DUS2: variants seen among roughly 807,000 people sequenced by gnomAD.
DUS2 encodes tRNA-dihydrouridine(20) synthase [NAD(P)+]-like.
DUS2 carries 52 observed loss-of-function variants against 71.3 expected under a neutral mutation model. The ratio of observed to expected loss-of-function variants is 0.73; its 90% CI spans 0.58 to 0.92. DUS2 has a LOEUF of 0.92. Among genes scored for constraint, DUS2 ranks in the 40% least tolerant of loss-of-function variants. The pLI is 0.00. For missense variants in DUS2, 558 were observed against 622.6 expected, an observed-to-expected ratio of 0.90 and a Z score of 1.10; for synonymous variants, 204 against 227.8, an observed-to-expected ratio of 0.90 and a Z score of 0.94.
chr16:68,049,853 C>T (rs1427227412), intron 4 of DUS2, among the ~76,000 whole-genome samples: 2 of 152,198 alleles, frequency 1.3e-5, no homozygotes, highest in African/African-American at 2.4e-5. Flanking sequence ...CCTGGCTTGG[C>T]CACTTGCTAG....
At chr16:68,077,598 A>C (rs192547494) in intron 15 of DUS2, 8 of 152,236 alleles carry the variant, frequency 5.3e-5, no homozygotes, top group African/African-American at 1.9e-4. Flanking sequence ...CATCTTCACC[A>C]GGCTGGTCTC....
intron 14 of DUS2, 53 bp downstream of exon 14, chr16:68,075,557 C>T (rs1167550933): frequency 1.9e-6 from 3 of 1,542,884 alleles, no homozygotes; most frequent in Non-Finnish European, 2.6e-6. Context: ...CCTTGGGGTC[C>T]CACTGGGCCA....
intron 5 of DUS2, 107 bp downstream of exon 5, chr16:68,053,762 C>A: frequency 9.0e-7 from 1 of 1,109,046 alleles, no homozygotes; most frequent in Non-Finnish European, 1.3e-6. Context: ...GTACATTGTA[C>A]AACGATGGCT....
rs757836627 is a variant in DUS2, at chr16:68,066,322, C to T, written c.423C>T (p.Leu141=). 7 of 1,614,114 alleles carry T rather than the reference C, an allele frequency of 4.3e-6. No individual in the cohort carries two copies. Among genetic ancestry groups the T allele is most frequent in the Non-Finnish European group, 5.1e-6 (6 of 1,179,980 alleles). The change falls in exon 9 of 17, where the codon CTC becomes CTT. Residue 141 remains leucine (L), a synonymous_variant. Coordinates refer to ENST00000565263, the MANE Select transcript of DUS2 (RefSeq NM_017803.5). ...TTGTGTTTTCCTTTCTGCAGATCCT[C>T]AGCACTCTTGTTAAAGGGACACGCA... is the stretch of plus-strand genomic sequence containing the variant. ...LSDPDKIEKI[L]STLVKGTRRP...
At chr16:68,078,699 C>A (rs1235968528) in intron 16 of DUS2, 50 bp from the exon 17 acceptor site, 1 of 1,562,480 alleles carries the variant, frequency 6.4e-7, no homozygotes. Context: ...AGAGTCAGGC[C>A]TCATAGCCCT....
chr16:68,071,179 G>A lies in DUS2; in HGVS notation c.810+71G>A, dbSNP rs2034081955. ...CACACTCCTGCAGAGAGCACTTTGT[G>A]TGAGCCCCCAGCTGCCAGCTGTGCT... On this transcript the variant is annotated intron_variant, in intron 12 of 16. Coordinates refer to ENST00000565263, the MANE Select transcript of DUS2 (RefSeq NM_017803.5). The A allele has an allele frequency of 1.9e-6, 3 of 1,549,066 alleles. No individual in the cohort carries two copies. The South Asian group carries it at 3.4e-5, about 18-fold the overall frequency.
Position 68,053,613 on chromosome 16 carries a change from C to G in DUS2, c.222C>G (p.Phe74Leu). 6.2e-7 allele frequency: 1 copy of G among 1,614,212 alleles called. No individual in the cohort carries two copies. Among genetic ancestry groups the G allele is most frequent in the South Asian group, 1.1e-5 (1 of 91,084 alleles). The stretch of plus-strand genomic sequence containing the variant: ...TCGCCCCTGATGATCGAGTTGTCTT[C>G]CGCACCTGTGAAAGAGAGCAGAACA... ...DFVAPDDRVV[F>L]RTCEREQNRV... The change falls in exon 5 of 17, where the codon TTC (phenylalanine) becomes TTG (leucine). Residue 74 changes from phenylalanine to leucine, a missense_variant. Phe to Leu is a conservative substitution (Grantham distance 22). Transcript: ENST00000565263.
At chr16:68,053,049 G>T (rs1249587394) in intron 4 of DUS2, among the ~76,000 whole-genome samples, 10 of 150,172 alleles carry the variant, frequency 6.7e-5, no homozygotes, top group African/African-American at 2.5e-4. Flanking sequence ...TGCAACCTCC[G>T]CCTCCCAGAT....
chr16:68,072,185 T>A (rs1195193360), intron 12 of DUS2, among the ~76,000 whole-genome samples: 6 of 152,184 alleles, frequency 3.9e-5, no homozygotes, highest in African/African-American at 1.4e-4. Flanking sequence ...CAAGCTAGGA[T>A]GGTAAGATGC....
rs1451149918 is a variant in DUS2 at position 68,066,379 on chromosome 16, A to G, written c.480A>G (p.Pro160=). Residue 160 remains proline (P), a synonymous_variant, in exon 9 of 17, where the codon CCA becomes CCG. Coordinates refer to ENST00000565263, the MANE Select transcript of DUS2 (RefSeq NM_017803.5). ...RPVTCKIRIL[P]SLEDTLSLVK... is the part of the protein sequence containing the mutation. Reference sequence around the variant, plus strand: ...TGACCTGCAAGATTCGCATCCTGCCATCGGTAAGGATGGTGTGTTACATAT... The same window carrying G: ...TGACCTGCAAGATTCGCATCCTGCCGTCGGTAAGGATGGTGTGTTACATAT... 1.9e-6 allele frequency: 3 copies of G among 1,613,186 alleles called. No homozygotes were observed. Among genetic ancestry groups the G allele is most frequent in the East Asian group, 2.2e-5 (1 of 44,888 alleles).
At chr16:68,025,114 G>A (rs1216034418) in intron 1 of DUS2, among the ~76,000 whole-genome samples, 2 of 152,106 alleles carry the variant, frequency 1.3e-5, no homozygotes, top group African/African-American at 2.4e-5. Flanking sequence ...ACAGGTGTGA[G>A]CCGCTGTGCC....
intron 2 of DUS2, among the ~76,000 whole-genome samples, chr16:68,033,280 A>G (rs2151410519): frequency 6.6e-6 from 1 of 152,174 alleles, no homozygotes; most frequent in South Asian, 2.1e-4. Context: ...TGGGTTAGTT[A>G]TATTTTGAAG....
At chr16:68,053,377 G>A (rs1598309200) in intron 4 of DUS2, among the ~76,000 whole-genome samples, 187 bp from the exon 5 acceptor site, 2 of 152,210 alleles carry the variant, frequency 1.3e-5, no homozygotes, top group East Asian at 1.9e-4. Flanking sequence ...CCCAGGTCAG[G>A]AAATAGACCA....
intron 7 of DUS2, among the ~76,000 whole-genome samples, chr16:68,058,273 G>A (rs938471189): frequency 1.7e-4 from 26 of 150,394 alleles, no homozygotes; most frequent in Non-Finnish European, 2.8e-4. Flanking sequence ...CGTGCAGGCT[G>A]GAGTGTAGCA....
At chr16:68,061,213 C>A in intron 8 of DUS2, 100 bp downstream of exon 8, 1 of 1,264,646 alleles carries the variant, frequency 7.9e-7, no homozygotes, top group African/African-American at 1.5e-5. Flanking sequence ...TACTGATGTC[C>A]ACCCAGTTTC....
intron 2 of DUS2, among the ~76,000 whole-genome samples, chr16:68,035,876 C>A (rs554010400): frequency 8.2e-6 from 1 of 121,748 alleles, no homozygotes; most frequent in African/African-American, 3.7e-5. Context: ...CACCACATCC[C>A]GCTAATTTTA....
chr16:68,056,355 C>G lies in DUS2; in HGVS notation c.309-9C>G. ...TACTTATTACCTTTACTCCTTCATC[C>G]TTTTCCAGAGAAAATGATGTGGCTG... is the stretch of plus-strand genomic sequence containing the variant. On this transcript the variant is annotated splice_polypyrimidine_tract_variant and intron_variant, in intron 6 of 16. Transcript: ENST00000565263. 4 of 1,612,164 alleles carry G rather than the reference C, an allele frequency of 2.5e-6. No individual in the cohort carries two copies. The highest frequency in any genetic ancestry group is 2.2e-5 in the East Asian group (1 of 44,828).
chr16:68,076,622 C>G lies in DUS2; in HGVS notation c.1083-10C>G, dbSNP rs1375898802. Reference sequence around the variant, plus strand: ...TGGGTGACCCCAACTGCTTCCCTTCCTTTCCCCAGGAGAGCATACCCAGCC... The same window carrying G: ...TGGGTGACCCCAACTGCTTCCCTTCGTTTCCCCAGGAGAGCATACCCAGCC... On this transcript the variant is annotated splice_polypyrimidine_tract_variant and intron_variant, in intron 14 of 16. Coordinates refer to ENST00000565263, the MANE Select transcript of DUS2 (RefSeq NM_017803.5). 9.9e-6 allele frequency: 16 copies of G among 1,611,572 alleles called. No homozygotes were observed. In the South Asian group the frequency reaches 1.8e-4, roughly 18 times the overall value.
chr16:68,065,065 G>A (rs2033986698), intron 8 of DUS2, among the ~76,000 whole-genome samples: 1 of 152,204 alleles, frequency 6.6e-6, no homozygotes, highest in South Asian at 2.1e-4. Context: ...GACATGCAGT[G>A]TCATCTACAC....
Sources: gnomAD v4.1 joint callset for allele counts (sites outside exome capture counted in the v4.1 genomes callset) on GRCh38, gnomAD v4.1.1 for gene constraint, MANE v1.5 for transcripts, NCBI Gene and HGNC (gene_info 2026-07-23, HGNC 2026-07-21) for gene names.